KCNQ1: variants seen among roughly 807,000 people sequenced by gnomAD.
KCNQ1 encodes the protein potassium voltage-gated channel subfamily Q member 1, also known as potassium voltage-gated channel subfamily KQT member 1.
A neutral mutation model predicts 72.4 loss-of-function variants in KCNQ1; 49 were observed. The ratio of observed to expected loss-of-function variants is 0.68; its 90% CI spans 0.54 to 0.86. The LOEUF (loss-of-function observed/expected upper bound fraction) is 0.86. KCNQ1 is among the 40% of genes least tolerant of loss of function. The pLI is 0.00. For missense variants in KCNQ1, 790 were observed against 945.1 expected, an observed-to-expected ratio of 0.84 and a Z score of 2.15; for synonymous variants, 450 against 412.6, an observed-to-expected ratio of 1.09 and a Z score of -1.10.
Position 2,526,027 on chromosome 11 carries a change from C to G in KCNQ1, c.387-1901C>G, listed in dbSNP as rs1178401279. 6.6e-6 allele frequency among the ~76,000 whole-genome samples: 1 copy of G among 152,158 alleles called. No individual in the cohort carries two copies. The highest frequency in any genetic ancestry group is 1.5e-5 in the Non-Finnish European group (1 of 68,024). ...GGTCAGACATCAGAGCTGGCCTCTG[C>G]CTATGAGACAGGGCCCGCTGGCAGG... On this transcript the variant is annotated intron_variant, in intron 1 of 15. Transcript: ENST00000155840. This position sits in a 1 kb window ranked among gnomAD's most constrained non-coding sequence, Gnocchi z 6.1.
chr11:2,461,376 C>A, intron 1 of KCNQ1: 1 of 1,225,850 alleles, frequency 8.2e-7, no homozygotes, highest in Non-Finnish European at 1.1e-6. Flanking sequence ...GGAAGGGAAC[C>A]TTGAGTGTGG....
intron 1 of KCNQ1, chr11:2,461,381 G>A: frequency 8.1e-7 from 1 of 1,239,912 alleles, no homozygotes; most frequent in Non-Finnish European, 1.0e-6. Context: ...GGAACCTTGA[G>A]TGTGGAGGAG....
In KCNQ1 at chr11:2,715,761, G is replaced by T. The variant is rs1851082168; in HGVS notation, c.1515-53083G>T. Reference sequence around the variant, plus strand: ...CTGTCCCTCTGGCCACATTCCAGCTGGCCCTGCCTGTGAGGGTTGACCAGC... The same window carrying T: ...CTGTCCCTCTGGCCACATTCCAGCTTGCCCTGCCTGTGAGGGTTGACCAGC... On this transcript the variant is annotated intron_variant, in intron 11 of 15. Coordinates refer to ENST00000155840, the MANE Select transcript of KCNQ1 (RefSeq NM_000218.3). The surrounding 1 kb of genome is among the most constrained non-coding windows in gnomAD (Gnocchi z 4.9). Among the ~76,000 whole-genome samples, 1 of 152,216 alleles carries T rather than the reference G, an allele frequency of 6.6e-6. No homozygotes were observed. Among genetic ancestry groups the T allele is most frequent in the Non-Finnish European group, 1.5e-5 (1 of 68,034 alleles).
chr11:2,805,623 A>G (rs1463618411), intron 15 of KCNQ1, among the ~76,000 whole-genome samples: 5 of 152,216 alleles, frequency 3.3e-5, no homozygotes, highest in Non-Finnish European at 7.3e-5. Context: ...GAGTCGTTGT[A>G]ACAGAGATCG....
intron 11 of KCNQ1, among the ~76,000 whole-genome samples, chr11:2,708,829 G>A (rs1171300751): frequency 6.6e-6 from 1 of 152,094 alleles, no homozygotes; most frequent in East Asian, 1.9e-4. Context: ...TGACATGTTC[G>A]AAGCCTGGCA....
chr11:2,708,479 G>T (rs1850948652), intron 11 of KCNQ1, among the ~76,000 whole-genome samples: 1 of 152,218 alleles, frequency 6.6e-6, no homozygotes, highest in South Asian at 2.1e-4. Flanking sequence ...TGAGGAGGCT[G>T]GAGGTGGAGC....
At chr11:2,807,375 G>A (rs1332418770) in intron 15 of KCNQ1, among the ~76,000 whole-genome samples, 1 of 152,162 alleles carries the variant, frequency 6.6e-6, no homozygotes, top group African/African-American at 2.4e-5. Context: ...TCCGGGACCA[G>A]ATAAGGCCGG....
chr11:2,646,302 A>G, intron 10 of KCNQ1: 1 of 396,752 alleles, frequency 2.5e-6, no homozygotes, highest in Non-Finnish European at 4.4e-6. Context: ...ATAGGTAAAT[A>G]TGATCATTTT....
In KCNQ1 at chr11:2,659,343, G is replaced by A. The variant is rs1341530845; in HGVS notation, c.1394-2618G>A. On this transcript the variant is annotated intron_variant, in intron 10 of 15. Transcript: ENST00000155840. The surrounding 1 kb of genome is among the most constrained non-coding windows in gnomAD (Gnocchi z 4.3). ...GTTTTTCTAGAATGTCCTATAAATGGGATCCTATAATATGTATTCTTTTGC... is the reference window on the plus strand; with the variant it reads ...GTTTTTCTAGAATGTCCTATAAATGAGATCCTATAATATGTATTCTTTTGC... The A allele has an allele frequency of 2.5e-6, 1 of 398,380 alleles. No homozygotes were observed. Among genetic ancestry groups the A allele is most frequent in the Non-Finnish European group, 4.4e-6 (1 of 226,032 alleles). The allele number at this position is 398,380 out of a possible 1,614,324, so 24.7% of individuals were successfully genotyped here.
intron 11 of KCNQ1, among the ~76,000 whole-genome samples, chr11:2,727,572 G>C (rs951258792): frequency 6.6e-6 from 1 of 152,170 alleles, no homozygotes; most frequent in Admixed American, 6.5e-5. Flanking sequence ...GCAGCTCCAC[G>C]GCAGGGAGCA....
intron 5 of KCNQ1, among the ~76,000 whole-genome samples, chr11:2,572,459 A>G (rs927106017): frequency 2.0e-5 from 3 of 152,190 alleles, no homozygotes; most frequent in Non-Finnish European, 4.4e-5. Flanking sequence ...CGAGGGCTGC[A>G]CTCAGATGGG....
At chr11:2,823,201 A>G (rs1237743860) in intron 15 of KCNQ1, among the ~76,000 whole-genome samples, 1 of 152,194 alleles carries the variant, frequency 6.6e-6, no homozygotes, top group Non-Finnish European at 1.5e-5. Flanking sequence ...CTTCTCAAAG[A>G]AGTAACAGGT....
At position 2,674,167 on chromosome 11, in the gene KCNQ1, CAAGGCTGGGT is replaced by C; in HGVS notation, c.1514+12087_1514+12096del. On this transcript the variant is annotated intron_variant, in intron 11 of 15. Coordinates refer to ENST00000155840, the MANE Select transcript of KCNQ1 (RefSeq NM_000218.3). This position sits in a 1 kb window ranked among gnomAD's most constrained non-coding sequence, Gnocchi z 5.9. ...GGCTCAGGAAGGGAAGGAATGTGAC[CAAGGCTGGGT>C]GTGGCTGGGGAGAGCACAGCCAGTT... is the stretch of plus-strand genomic sequence containing the variant. 2.5e-6 allele frequency: 1 copy of C among 398,638 alleles called. No homozygotes were observed. The highest frequency in any genetic ancestry group is 2.1e-5 in the African/African-American group (1 of 48,736). The allele number at this position is 398,638 out of a possible 1,614,324, so 24.7% of individuals were successfully genotyped here.
intron 1 of KCNQ1, among the ~76,000 whole-genome samples, chr11:2,523,979 C>T (rs565979730): frequency 6.6e-6 from 1 of 152,122 alleles, no homozygotes; most frequent in African/African-American, 2.4e-5. Flanking sequence ...CTTGGCTGAA[C>T]GGTGGCCCCT....
intron 2 of KCNQ1, among the ~76,000 whole-genome samples, chr11:2,551,486 T>G (rs560428158): frequency 6.6e-6 from 1 of 152,384 alleles, no homozygotes; most frequent in East Asian, 1.9e-4. Context: ...CCACAGTTTG[T>G]TTATCCATTC....
intron 2 of KCNQ1, among the ~76,000 whole-genome samples, chr11:2,534,269 C>T (rs1206409206): frequency 6.6e-6 from 1 of 152,278 alleles, no homozygotes; most frequent in Non-Finnish European, 1.5e-5. Flanking sequence ...CGCAGGCCCG[C>T]AGGTCCTCAC....
rs1849208088 is a variant in KCNQ1, at chr11:2,623,452, A to G, written c.1393+34598A>G. The stretch of plus-strand genomic sequence containing the variant: ...CCTTCTTCCCCAACAACCCTTGGCA[A>G]CCACTGAACTTTTTACTGCCTCCAT... On this transcript the variant is annotated intron_variant, in intron 10 of 15. Coordinates refer to ENST00000155840, the MANE Select transcript of KCNQ1 (RefSeq NM_000218.3). The surrounding 1 kb of genome is among the most constrained non-coding windows in gnomAD (Gnocchi z 5.2). The G allele has an allele frequency of 2.5e-6, 1 of 398,534 alleles. No individual in the cohort carries two copies. The highest frequency in any genetic ancestry group is 2.1e-5 in the African/African-American group (1 of 48,648). 24.7% of individuals were successfully genotyped at this position (398,534 alleles called of 1,614,324 possible).
In KCNQ1 at chr11:2,652,430, A is replaced by T. The variant is rs2133844501; in HGVS notation, c.1394-9531A>T. On this transcript the variant is annotated intron_variant, in intron 10 of 15. Coordinates refer to ENST00000155840, the MANE Select transcript of KCNQ1 (RefSeq NM_000218.3). The surrounding 1 kb of genome is among the most constrained non-coding windows in gnomAD (Gnocchi z 5.9). ...CCTGTGTAATTTTGTCTTGAAAATC[A>T]AGGCCACTTTTTTGTTTTCTCCATC... The T allele has an allele frequency of 2.5e-6, 1 of 398,598 alleles. No homozygotes were observed. The highest frequency in any genetic ancestry group is 3.6e-5 in the East Asian group (1 of 28,078). The allele number at this position is 398,598 out of a possible 1,614,324, so 24.7% of individuals were successfully genotyped here.
intron 12 of KCNQ1, among the ~76,000 whole-genome samples, chr11:2,774,068 G>A (rs1364699698): frequency 1.9e-4 from 29 of 150,560 alleles, no homozygotes; most frequent in Admixed American, 1.8e-3. Flanking sequence ...TTTCATAGAA[G>A]AGAACTCAGT....
Sources: gnomAD v4.1 joint callset for allele counts (sites outside exome capture counted in the v4.1 genomes callset) on GRCh38, gnomAD v4.1.1 for gene constraint, Gnocchi (gnomAD v3.1) non-coding constraint, MANE v1.5 for transcripts, NCBI Gene and HGNC (gene_info 2026-07-23, HGNC 2026-07-21) for gene names.